The following PAX1 variants were observed in gnomAD, a reference collection of about 807,000 sequenced individuals.
The protein encoded by PAX1 is paired box protein Pax-1.
PAX1 carries 18 observed loss-of-function variants against 35.6 expected under a neutral mutation model. That is an observed-to-expected ratio of 0.50 (90% CI 0.35 to 0.75). The LOEUF (loss-of-function observed/expected upper bound fraction) is 0.75. Among genes scored for constraint, PAX1 ranks in the 30% least tolerant of loss-of-function variants. The pLI is 0.01. For missense variants in PAX1, 760 were observed against 661.5 expected (o/e 1.15, Z -1.63); for synonymous variants, 397 against 305.2 (o/e 1.30, Z -3.14).
chr20:21,718,467 AG>A lies in PAX1; in HGVS notation c.*3906del, dbSNP rs1416318660. On this transcript the variant is annotated 3_prime_UTR_variant, in exon 5 of 5. Transcript: ENST00000613128. ...GTGAAGAAATACTGGCTACAAATAA[AG>A]TTTAGATTTTCAATACTGGCACAAG... The A allele has an allele frequency of 6.6e-6, 1 of 152,208 alleles. No homozygotes were observed. Among genetic ancestry groups the A allele is most frequent in the African/African-American group, 2.4e-5 (1 of 41,442 alleles). The allele number at this position is 152,208 out of a possible 1,614,324, so 9.4% of individuals were successfully genotyped here. A position where few individuals can be genotyped will look rare whatever the true frequency, so the allele number is the denominator to read the frequency against.
rs776590321 is a variant in PAX1 at position 21,705,937 on chromosome 20, G to C, written c.225G>C (p.Gly75=). The C allele has an allele frequency of 6.9e-5, 102 of 1,483,418 alleles. No homozygotes were observed. Among genetic ancestry groups the C allele is most frequent in the South Asian group, 1.8e-4 (14 of 78,206 alleles). The allele number at this position is 1,483,418 out of a possible 1,614,324, so 91.9% of individuals were successfully genotyped here. The change falls in exon 1 of 5, where the codon GGG becomes GGC. Residue 75 remains glycine, a synonymous_variant. Transcript: ENST00000613128. ...GGAQALPDCA[G]PSPGHPGHPG... The stretch of plus-strand genomic sequence containing the variant: ...CCCAAGCTCTCCCGGACTGCGCCGG[G>C]CCCAGCCCCGGCCACCCCGGCCACC...
intron 4 of PAX1, among the ~76,000 whole-genome samples, chr20:21,713,475 G>A (rs1985265256): frequency 6.6e-6 from 1 of 151,792 alleles, no homozygotes; most frequent in South Asian, 2.1e-4. Flanking sequence ...AGGCTGAGGC[G>A]AGGGAAGCTG....
In PAX1 at chr20:21,717,900, T is replaced by C. The variant is rs900815836; in HGVS notation, c.*3338T>C. ...AAAGGTGAATGCTGTTATAGTCTTT[T>C]GTGAATCTTTCCAGGAAAAACATGC... On this transcript the variant is annotated 3_prime_UTR_variant, in exon 5 of 5. Transcript: ENST00000613128. 2.0e-5 allele frequency: 3 copies of C among 152,218 alleles called. No individual in the cohort carries two copies. The highest frequency in any genetic ancestry group is 2.1e-4 in the South Asian group (1 of 4,830). 9.4% of individuals were successfully genotyped at this position (152,218 alleles called of 1,614,324 possible).
rs376357678 is a variant in PAX1 at position 21,712,795 on chromosome 20, G to A, written c.1283-1676G>A. 2.0e-4 allele frequency among the ~76,000 whole-genome samples: 31 copies of A among 152,320 alleles called. No individual in the cohort carries two copies. The South Asian group carries it at 6.2e-3, about 31-fold the overall frequency. ...GCTGGCATTGTCGCACCCGGACGCT[G>A]GCAACCCCGGCCTCCGTTTGACCCA... On this transcript the variant is annotated intron_variant, in intron 4 of 4. Transcript: ENST00000613128.
intron 4 of PAX1, among the ~76,000 whole-genome samples, chr20:21,711,098 A>C (rs1985185417): frequency 6.6e-6 from 1 of 152,240 alleles, no homozygotes; most frequent in Admixed American, 6.5e-5. Flanking sequence ...TCGAAATCAA[A>C]ATAAAATTTA....
In PAX1 at chr20:21,706,542, A is replaced by G. The variant is rs1191941330; in HGVS notation, c.391A>G (p.Ile131Val). 6.2e-7 allele frequency: 1 copy of G among 1,612,408 alleles called. No individual in the cohort carries two copies. Among genetic ancestry groups the G allele is most frequent in the Admixed American group, 1.7e-5 (1 of 60,026 alleles). ...LRIVELAQLG[I>V]RPCDISRQLR... ...CATTGTGGAGCTGGCGCAGCTGGGC[A>G]TCCGACCCTGTGACATCAGTCGGCA... The change falls in exon 2 of 5, where the codon ATC becomes GTC. Residue 131 changes from isoleucine (I) to valine (V), a missense_variant. This residue lies in a region of PAX1 where 48 missense variants were observed against 80.0 expected (regional missense o/e 0.60). Coordinates refer to ENST00000613128, the MANE Select transcript of PAX1 (RefSeq NM_001257096.2). This position sits in a 1 kb window ranked among gnomAD's most constrained non-coding sequence, Gnocchi z 5.3.
rs1180889920 is a variant in PAX1, at chr20:21,715,521, T to TG, written c.*963dup. On this transcript the variant is annotated 3_prime_UTR_variant, in exon 5 of 5. Transcript: ENST00000613128. ...GAGATGATGTCACCCCAAAGAAGACTGGGGTAGGAGTAGGGAGCACAGGGG... is the reference window on the plus strand; with the variant it reads ...GAGATGATGTCACCCCAAAGAAGACTGGGGGTAGGAGTAGGGAGCACAGGGG... The TG allele has an allele frequency of 6.6e-6, 1 of 152,360 alleles. No homozygotes were observed. The highest frequency in any genetic ancestry group is 1.9e-4 in the East Asian group (1 of 5,184). 9.4% of individuals were successfully genotyped at this position (152,360 alleles called of 1,614,324 possible). A position where few individuals can be genotyped will look rare whatever the true frequency, so the allele number is the denominator to read the frequency against.
rs147166433 is a variant in PAX1, at chr20:21,706,836, G to T, written c.685G>T (p.Ala229Ser). 324 of 1,613,412 alleles carry T rather than the reference G, an allele frequency of 2.0e-4. 4 individuals carry two copies. In the African/African-American group the frequency reaches 3.8e-3, roughly 19 times the overall value. ...CCTGCGCAACAAGATCGGCAGCCTGGCGCAGCCCGGACCGTACGAGGCAAG... is the reference window on the plus strand; with the variant it reads ...CCTGCGCAACAAGATCGGCAGCCTGTCGCAGCCCGGACCGTACGAGGCAAG... The part of the protein sequence containing the change: ...RILRNKIGSL[A>S]QPGPYEASKQ... The change falls in exon 2 of 5, where the codon GCG becomes TCG. Residue 229 changes from alanine to serine, a missense_variant. Ala to Ser is a moderately conservative substitution (Grantham distance 99). Transcript: ENST00000613128. This position sits in a 1 kb window ranked among gnomAD's most constrained non-coding sequence, Gnocchi z 5.3.
chr20:21,714,583 G>T lies in PAX1; in HGVS notation c.*21G>T, dbSNP rs1225605988. 6.3e-7 allele frequency: 1 copy of T among 1,578,184 alleles called. No individual in the cohort carries two copies. The highest frequency in any genetic ancestry group is 1.8e-5 in the Admixed American group (1 of 54,810). On this transcript the variant is annotated 3_prime_UTR_variant, in exon 5 of 5. Coordinates refer to ENST00000613128, the MANE Select transcript of PAX1 (RefSeq NM_001257096.2). ...CCTAGGGGCAGCTCTCCCCGGACCC[G>T]AGCCCGGAGGGAACGGCAGGCGGAC...
At chr20:21,713,378 T>TGTGTGTGTGTGTGTGTGTGTG (rs770998874) in intron 4 of PAX1, among the ~76,000 whole-genome samples, 10 of 138,054 alleles carry the variant, frequency 7.2e-5, no homozygotes, top group African/African-American at 2.8e-4. Flanking sequence ...GTTTTCTTTT[T>TGTGTGTGTGTGTGTGTGTGTG]TTTTTGTGTG....
Position 21,706,287 on chromosome 20 carries a change from G to C in PAX1, c.287-151G>C. ...GCCCACTCCAAGCCAGACCCAGGCGGTTTGCCCTTGGACTCCGAGCTGTCT... is the reference window on the plus strand; with the variant it reads ...GCCCACTCCAAGCCAGACCCAGGCGCTTTGCCCTTGGACTCCGAGCTGTCT... On this transcript the variant is annotated intron_variant, in intron 1 of 4. Coordinates refer to ENST00000613128, the MANE Select transcript of PAX1 (RefSeq NM_001257096.2). This position sits in a 1 kb window ranked among gnomAD's most constrained non-coding sequence, Gnocchi z 5.3. 1 of 1,073,882 alleles carries C rather than the reference G, an allele frequency of 9.3e-7. No homozygotes were observed. The highest frequency in any genetic ancestry group is 2.5e-5 in the East Asian group (1 of 39,938). 66.5% of individuals were successfully genotyped at this position (1,073,882 alleles called of 1,614,324 possible).
chr20:21,714,975 C>T lies in PAX1; in HGVS notation c.*413C>T, dbSNP rs1985321838. The T allele has an allele frequency of 1.4e-6, 1 of 692,494 alleles. No homozygotes were observed. The highest frequency in any genetic ancestry group is 2.6e-6 in the Non-Finnish European group (1 of 391,148). 42.9% of individuals were successfully genotyped at this position (692,494 alleles called of 1,614,324 possible). On this transcript the variant is annotated 3_prime_UTR_variant, in exon 5 of 5. Transcript: ENST00000613128. ...CCCTTCCCTTTCTCTTTCCCTTCCT[C>T]CCTACCTTCCACCCCGGCTTTCCCC...
At position 21,714,574 on chromosome 20, in the gene PAX1, C is replaced by G; in HGVS notation, c.*12C>G. 6.3e-7 allele frequency: 1 copy of G among 1,582,116 alleles called. No individual in the cohort carries two copies. The highest frequency in any genetic ancestry group is 1.1e-5 in the South Asian group (1 of 87,372). On this transcript the variant is annotated 3_prime_UTR_variant, in exon 5 of 5. Transcript: ENST00000613128. Reference sequence around the variant, plus strand: ...CCTCGACCTCCTAGGGGCAGCTCTCCCCGGACCCGAGCCCGGAGGGAACGG... The same window carrying G: ...CCTCGACCTCCTAGGGGCAGCTCTCGCCGGACCCGAGCCCGGAGGGAACGG...
In PAX1 at chr20:21,705,939, C is replaced by T; in HGVS notation, c.227C>T (p.Pro76Leu). 1 of 1,483,186 alleles carries T rather than the reference C, an allele frequency of 6.7e-7. No individual in the cohort carries two copies. Among genetic ancestry groups the T allele is most frequent in the South Asian group, 1.3e-5 (1 of 77,968 alleles). 91.9% of individuals were successfully genotyped at this position (1,483,186 alleles called of 1,614,324 possible). ...CAAGCTCTCCCGGACTGCGCCGGGC[C>T]CAGCCCCGGCCACCCCGGCCACCCC... ...GAQALPDCAGPSPGHPGHPGA... is the reference protein window; with the variant it reads ...GAQALPDCAGLSPGHPGHPGA... The change falls in exon 1 of 5, where the codon CCC (proline) becomes CTC (leucine). Residue 76 changes from proline (P) to leucine (L), a missense_variant. Pro to Leu is a moderately conservative substitution (Grantham distance 98). This residue lies in a region of PAX1 where 222 missense variants were observed against 153.0 expected (regional missense o/e 1.45). Transcript: ENST00000613128.
intron 4 of PAX1, among the ~76,000 whole-genome samples, chr20:21,710,879 C>G (rs1266416591): frequency 1.3e-5 from 2 of 152,170 alleles, no homozygotes; most frequent in Non-Finnish European, 2.9e-5. Context: ...GGATTTAGAG[C>G]TCTTTTAAAC....
chr20:21,706,832 C>A lies in PAX1; in HGVS notation c.681C>A (p.Ser227Arg), dbSNP rs576268387. ...ISRILRNKIG[S>R]LAQPGPYEAS... is the part of the protein sequence containing the mutation. ...GCATCCTGCGCAACAAGATCGGCAG[C>A]CTGGCGCAGCCCGGACCGTACGAGG... The change falls in exon 2 of 5, where the codon AGC becomes AGA. Residue 227 changes from serine to arginine, a missense_variant. Ser to Arg is a moderately radical substitution (Grantham distance 110). Coordinates refer to ENST00000613128, the MANE Select transcript of PAX1 (RefSeq NM_001257096.2). This position sits in a 1 kb window ranked among gnomAD's most constrained non-coding sequence, Gnocchi z 5.3. The A allele has an allele frequency of 6.2e-7, 1 of 1,613,420 alleles. No homozygotes were observed. Among genetic ancestry groups the A allele is most frequent in the East Asian group, 2.2e-5 (1 of 44,884 alleles).
Position 21,705,953 on chromosome 20 carries a change from C to G in PAX1, c.241C>G (p.Pro81Ala). Reference protein sequence around the residue: ...PDCAGPSPGHPGHPGARQLAG... With the variant: ...PDCAGPSPGHAGHPGARQLAG... The stretch of plus-strand genomic sequence containing the variant: ...CTGCGCCGGGCCCAGCCCCGGCCAC[C>G]CCGGCCACCCCGGCGCCAGGCAGCT... The change falls in exon 1 of 5, where the codon CCC becomes GCC. Residue 81 changes from proline to alanine, a missense_variant. Physicochemically the swap from Pro to Ala is conservative, Grantham distance 27. Around this residue, in one of 3 missense-constraint regions of PAX1, gnomAD observed 222 missense variants for 153.0 expected, o/e 1.45. Transcript: ENST00000613128. 6.7e-7 allele frequency: 1 copy of G among 1,486,960 alleles called. No homozygotes were observed. The highest frequency in any genetic ancestry group is 1.3e-5 in the South Asian group (1 of 77,598). The allele number at this position is 1,486,960 out of a possible 1,614,324, so 92.1% of individuals were successfully genotyped here.
At chr20:21,708,478 A>G (rs1336706661) in intron 2 of PAX1, 80 bp from the exon 3 acceptor site, 1 of 1,549,578 alleles carries the variant, frequency 6.5e-7, no homozygotes, top group African/African-American at 1.4e-5. Context: ...GTGTCTTCAG[A>G]TACAAATTGG....
chr20:21,709,921 C>A (rs991228094), intron 4 of PAX1, among the ~76,000 whole-genome samples: 1 of 152,064 alleles, frequency 6.6e-6, no homozygotes, highest in Non-Finnish European at 1.5e-5. Context: ...AGACCCTTCC[C>A]GTCTCTGCCC....
Sources: allele counts gnomAD v4.1 joint callset (sites outside exome capture counted in the v4.1 genomes callset), GRCh38; gene constraint gnomAD v4.1.1; regional missense constraint gnomAD v4.1.1; non-coding constraint Gnocchi (gnomAD v3.1); transcripts MANE v1.5; gene names NCBI Gene and HGNC (gene_info 2026-07-23, HGNC 2026-07-21).